TERB1: variants seen among roughly 807,000 people sequenced by gnomAD.
The protein encoded by TERB1 is telomere repeats-binding bouquet formation protein 1.
Under a neutral mutation model 92.3 loss-of-function variants are expected in TERB1, and 63 were observed. The observed-to-expected ratio is 0.68, with a 90% CI of 0.56 to 0.84. The LOEUF (loss-of-function observed/expected upper bound fraction) is 0.84, where lower values mean the gene tolerates loss of function less well. TERB1 is among the 40% of genes least tolerant of loss of function. TERB1 has a pLI of 0.00. For synonymous variants in TERB1, 252 were observed against 283.9 expected (o/e 0.89, Z 1.13); for missense variants, 709 against 843.7 (o/e 0.84, Z 1.98).
At chr16:66,765,381 T>C (rs971738150) in intron 16 of TERB1, among the ~76,000 whole-genome samples, 6 of 152,154 alleles carry the variant, frequency 3.9e-5, no homozygotes, top group African/African-American at 1.4e-4. Context: ...TTAGTAGCCA[T>C]TTGAAAAAAT....
chr16:66,790,874 A>C, intron 4 of TERB1, 35 bp downstream of exon 4: 6 of 1,454,944 alleles, frequency 4.1e-6, no homozygotes, highest in Non-Finnish European at 5.6e-6. Context: ...CTAAAGAACT[A>C]GAATCACAGA....
chr16:66,769,549 C>T (rs1029203466), intron 14 of TERB1, among the ~76,000 whole-genome samples: 1 of 152,228 alleles, frequency 6.6e-6, no homozygotes, highest in African/African-American at 2.4e-5. Context: ...AAATTTTCTT[C>T]ACATCCTATT....
rs1180085267 is a variant in TERB1 at position 66,754,748 on chromosome 16, T to C, written c.*228A>G. On this transcript the variant is annotated 3_prime_UTR_variant, in exon 19 of 19. Transcript: ENST00000433154. ...AAATAAAAGCATATTCCTAAACAAATGTTTGATCTTATGAAGGAATTTTCT... is the reference window on the plus strand; with the variant it reads ...AAATAAAAGCATATTCCTAAACAAACGTTTGATCTTATGAAGGAATTTTCT... 1.1e-5 allele frequency: 5 copies of C among 473,184 alleles called. No individual in the cohort carries two copies. Among genetic ancestry groups the C allele is most frequent in the Non-Finnish European group, 1.8e-5 (5 of 271,600 alleles). The allele number at this position is 473,184 out of a possible 1,614,324, so 29.3% of individuals were successfully genotyped here.
chr16:66,773,652 T>A (rs1597015664), intron 12 of TERB1, among the ~76,000 whole-genome samples: 1 of 152,376 alleles, frequency 6.6e-6, no homozygotes, highest in East Asian at 1.9e-4. Context: ...CAATGCCTTT[T>A]CTGCTCCACG....
chr16:66,790,802 C>A, intron 4 of TERB1, 79 bp from the exon 5 acceptor site: 2 of 1,472,000 alleles, frequency 1.4e-6, no homozygotes, highest in Non-Finnish European at 1.9e-6. Flanking sequence ...GAAGACGTAA[C>A]ATGATATGTA....
intron 9 of TERB1, among the ~76,000 whole-genome samples, chr16:66,782,455 C>A (rs1567474450): frequency 6.6e-6 from 1 of 150,384 alleles, no homozygotes; most frequent in African/African-American, 2.5e-5. Context: ...GAGGCTGAGA[C>A]AGGAGAATCA....
At chr16:66,788,130 T>C in intron 6 of TERB1, 39 bp downstream of exon 6, 1 of 1,352,786 alleles carries the variant, frequency 7.4e-7, no homozygotes, top group Non-Finnish European at 9.8e-7. Flanking sequence ...TTCCAATTGA[T>C]TAAAGTGTTT....
intron 3 of TERB1, among the ~76,000 whole-genome samples, chr16:66,793,010 AATTTT>A (rs1194324429): frequency 1.3e-5 from 2 of 151,300 alleles, no homozygotes; most frequent in South Asian, 2.1e-4. Context: ...TATTTTATAA[AATTTT>A]ATTTTATTTT....
At chr16:66,768,494 A>AT (rs1017124715) in intron 14 of TERB1, among the ~76,000 whole-genome samples, 13 of 152,360 alleles carry the variant, frequency 8.5e-5, no homozygotes, top group Admixed American at 2.0e-4. Context: ...AAAAATGAAC[A>AT]TGGGTGCAGG....
At chr16:66,767,722 T>C (rs2018373056) in intron 15 of TERB1, among the ~76,000 whole-genome samples, 1 of 151,828 alleles carries the variant, frequency 6.6e-6, no homozygotes, top group Admixed American at 6.6e-5. Context: ...AGGGCCAATA[T>C]AGCAATGGAC....
chr16:66,775,264 G>C (rs1279973616), intron 11 of TERB1, 21 bp from the exon 12 acceptor site: 1 of 1,538,996 alleles, frequency 6.5e-7, no homozygotes, highest in Admixed American at 2.0e-5. Flanking sequence ...TAAACAAAGA[G>C]GACAATGTTT....
At chr16:66,791,613 T>A (rs1281085482) in intron 3 of TERB1, among the ~76,000 whole-genome samples, 4 of 151,950 alleles carry the variant, frequency 2.6e-5, no homozygotes, top group Admixed American at 1.3e-4. Context: ...ATTACCAATA[T>A]CAGAAATGAG....
In TERB1 at chr16:66,774,683, C is replaced by CCTT. The variant is rs386384962; in HGVS notation, c.1111+434_1111+435insAAG. 2.4e-3 allele frequency among the ~76,000 whole-genome samples: 97 copies of CCTT among 40,110 alleles called. 8 individuals carry two copies. Among genetic ancestry groups the CCTT allele is most frequent in the Middle Eastern group, 0.015 (1 of 68 alleles). 26.3% of individuals were successfully genotyped at this position (40,110 alleles called of 152,430 possible). A position where few individuals can be genotyped will look rare whatever the true frequency, so the allele number is the denominator to read the frequency against. On this transcript the variant is annotated intron_variant, in intron 12 of 18. Transcript: ENST00000433154. ...TGTCCAAATTTTATACTCTGATTTT[C>CCTT]TTTTTTTTTTTTTTTTTGAGACAGG...
At chr16:66,778,611 T>C (rs984607751) in intron 10 of TERB1, among the ~76,000 whole-genome samples, 3 of 152,108 alleles carry the variant, frequency 2.0e-5, no homozygotes, top group African/African-American at 7.2e-5. Flanking sequence ...AGAGATTAGG[T>C]TTCACCATGT....
At chr16:66,798,708 T>C (rs1959214101) in intron 2 of TERB1, among the ~76,000 whole-genome samples, 1 of 152,210 alleles carries the variant, frequency 6.6e-6, no homozygotes, top group Admixed American at 6.5e-5. Flanking sequence ...AAAGACGACA[T>C]ATTAACACTT....
chr16:66,774,117 G>A (rs1471435189), intron 12 of TERB1, among the ~76,000 whole-genome samples: 2 of 149,886 alleles, frequency 1.3e-5, no homozygotes, highest in African/African-American at 4.9e-5. Flanking sequence ...TCCTGACCTC[G>A]TGATCCACCC....
At position 66,755,009 on chromosome 16, in the gene TERB1, CTTGTGGTAT is replaced by C. The variant is rs745671905; in HGVS notation, c.2142_2150del (p.Tyr715_Lys717del). 51 of 1,551,294 alleles carry C rather than the reference CTTGTGGTAT, an allele frequency of 3.3e-5. No homozygotes were observed. Among genetic ancestry groups the C allele is most frequent in the Admixed American group, 7.9e-5 (4 of 50,898 alleles). On this transcript the variant is annotated inframe_deletion, in exon 19 of 19. Transcript: ENST00000433154. ...CTGCACACGTGGGGTGTTTGGTCAG[CTTGTGGTAT>C]TTGTGAGCAAGGTCCACAGCCTTCC...
At chr16:66,793,306 T>C (rs2018868747) in intron 3 of TERB1, among the ~76,000 whole-genome samples, 1 of 140,540 alleles carries the variant, frequency 7.1e-6, no homozygotes, top group Non-Finnish European at 1.5e-5. Flanking sequence ...AACCTCTGCC[T>C]CCTAGGTTCA....
intron 11 of TERB1, among the ~76,000 whole-genome samples, chr16:66,775,636 A>G (rs2018534352): frequency 6.6e-6 from 1 of 152,154 alleles, no homozygotes; most frequent in Non-Finnish European, 1.5e-5. Flanking sequence ...TTTGTCTCAA[A>G]AAACAAAAAC....
Sources: allele counts gnomAD v4.1 joint callset (sites outside exome capture counted in the v4.1 genomes callset), GRCh38; gene constraint gnomAD v4.1.1; transcripts MANE v1.5; gene names NCBI Gene and HGNC (gene_info 2026-07-23, HGNC 2026-07-21).